Variants in SYN1 observed in about 807,000 individuals in gnomAD.
The protein encoded by SYN1 is synapsin I.
A neutral mutation model predicts 44.6 loss-of-function variants in SYN1; 8 were observed. That is an observed-to-expected ratio of 0.18 (90% CI 0.11 to 0.32). The LOEUF (loss-of-function observed/expected upper bound fraction) is 0.32. Ranked by LOEUF, SYN1 falls within the 10% of genes least tolerant of loss-of-function variation. The pLI, the probability that SYN1 is intolerant of heterozygous loss-of-function variation, is 1.00. For synonymous variants in SYN1, 275 were observed against 280.1 expected, an observed-to-expected ratio of 0.98 and a Z score of 0.18; for missense variants, 451 against 639.4, an observed-to-expected ratio of 0.71 and a Z score of 3.18.
chrX:47,584,310 G>GATTGAGGATGATCAGGT (rs2057813345), intron 5 of SYN1, among the ~76,000 whole-genome samples: 3 of 111,024 alleles, frequency 2.7e-5, no homozygotes, highest in Non-Finnish European at 5.7e-5. Context: ...GATGATCAGA[G>GATTGAGGATGATCAGGT]ATTGAGGATG....
intron 1 of SYN1, 97 bp downstream of exon 1, chrX:47,619,255 G>A: frequency 8.9e-7 from 1 of 1,128,558 alleles, no homozygotes; most frequent in Admixed American, 2.4e-5. Flanking sequence ...GAGAGGGCCA[G>A]GTGTCAGGCA....
At position 47,619,602 on chromosome X, in the gene SYN1, TGGCTCCGGGGCTGTG is replaced by T. The variant is rs2057941937; in HGVS notation, c.112_126del (p.His38_Ala42del). 8.6e-7 allele frequency: 1 copy of T among 1,159,191 alleles called. No homozygotes were observed. The highest frequency in any genetic ancestry group is 1.2e-6 in the Non-Finnish European group (1 of 868,608). ...GCAGTGGCGGTCCCGGGACCGGGCG[TGGCTCCGGGGCTGTG>T]GGCACCGGGCGGCGGTGGGGGCGGC... is the stretch of plus-strand genomic sequence containing the variant. On this transcript the variant is annotated inframe_deletion, in exon 1 of 13. Coordinates refer to ENST00000295987, the MANE Select transcript of SYN1 (RefSeq NM_006950.3).
intron 5 of SYN1, chrX:47,586,071 T>G: frequency 1.0e-6 from 1 of 956,298 alleles, no homozygotes; most frequent in East Asian, 6.3e-5. Context: ...GCTCTGACTA[T>G]TCCAGACACC....
chrX:47,599,035 A>T (rs60617839), intron 5 of SYN1, among the ~76,000 whole-genome samples: 1 of 109,480 alleles, frequency 9.1e-6, no homozygotes, highest in Non-Finnish European at 1.9e-5. Context: ...AAAAATAAAA[A>T]TTTTTTAAAT....
intron 5 of SYN1, among the ~76,000 whole-genome samples, chrX:47,602,640 CAA>C (rs778178512): frequency 3.4e-5 from 3 of 88,845 alleles, no homozygotes; most frequent in African/African-American, 4.1e-5. Flanking sequence ...GACTCCTCCT[CAA>C]AAAAAAAAAA....
At chrX:47,600,697 C>A (rs2057877279) in intron 5 of SYN1, among the ~76,000 whole-genome samples, 1 of 111,261 alleles carries the variant, frequency 9.0e-6, no homozygotes, top group Non-Finnish European at 1.9e-5. Flanking sequence ...GTTCTCTGAC[C>A]ACAATGGAAT....
At chrX:47,576,024 C>T in intron 9 of SYN1, 107 bp downstream of exon 9, 1 of 821,727 alleles carries the variant, frequency 1.2e-6, no homozygotes, top group East Asian at 3.4e-5. Flanking sequence ...GTACTAAGCA[C>T]ATTGCTGTTG....
In SYN1 at chrX:47,619,815, GCT is replaced by G. The variant is rs769282094; in HGVS notation, c.-89_-88del. 1.1e-5 allele frequency: 11 copies of G among 993,478 alleles called. No homozygotes were observed. Among genetic ancestry groups the G allele is most frequent in the Non-Finnish European group, 1.5e-5 (11 of 737,563 alleles). 81.9% of individuals were successfully genotyped at this position (993,478 alleles called of 1,213,427 possible). On this transcript the variant is annotated 5_prime_UTR_variant, in exon 1 of 13. Coordinates refer to ENST00000295987, the MANE Select transcript of SYN1 (RefSeq NM_006950.3). ...GCGCGGTGCCCAGGAGCACAGCTGCGCTCTCAGGCACGACACGACTCCTCCGC... is the reference window on the plus strand; with the variant it reads ...GCGCGGTGCCCAGGAGCACAGCTGCGCTCAGGCACGACACGACTCCTCCGC...
At chrX:47,614,644 C>G (rs932127530) in intron 1 of SYN1, among the ~76,000 whole-genome samples, 1 of 111,725 alleles carries the variant, frequency 9.0e-6, no homozygotes, top group Non-Finnish European at 1.9e-5. Flanking sequence ...TATGCTCCCC[C>G]CAGATCCTTA....
At position 47,572,752 on chromosome X, in the gene SYN1, T is replaced by TG. The variant is rs886711109; in HGVS notation, c.*111dup. On this transcript the variant is annotated 3_prime_UTR_variant, in exon 13 of 13. Coordinates refer to ENST00000295987, the MANE Select transcript of SYN1 (RefSeq NM_006950.3). ...TCTTGAGGAATGAGAGGTGGAATCT[T>TG]GGAGAACCGGGAGATGGGTTCTCAA... The TG allele has an allele frequency of 1.8e-6, 2 of 1,100,987 alleles. No individual in the cohort carries two copies. Among genetic ancestry groups the TG allele is most frequent in the Non-Finnish European group, 2.5e-6 (2 of 803,081 alleles). 90.7% of individuals were successfully genotyped at this position (1,100,987 alleles called of 1,213,427 possible). A position where few individuals can be genotyped will look rare whatever the true frequency, so the allele number is the denominator to read the frequency against.
At chrX:47,603,612 A>G (rs1272016102) in intron 5 of SYN1, among the ~76,000 whole-genome samples, 1 of 111,286 alleles carries the variant, frequency 9.0e-6, no homozygotes, top group Non-Finnish European at 1.9e-5. Flanking sequence ...AACGTTCAGC[A>G]TATTTTATTC....
At chrX:47,610,254 T>C (rs955473737) in intron 1 of SYN1, among the ~76,000 whole-genome samples, 3 of 111,066 alleles carry the variant, frequency 2.7e-5, no homozygotes, top group Non-Finnish European at 3.8e-5. Flanking sequence ...CTCATGTCCC[T>C]AATAGGACAG....
intron 10 of SYN1, 94 bp downstream of exon 10, chrX:47,575,034 G>C: frequency 2.8e-6 from 3 of 1,088,005 alleles, no homozygotes; most frequent in Non-Finnish European, 3.7e-6. Flanking sequence ...GTGATGCTGT[G>C]AGCCTACAGA....
intron 5 of SYN1, among the ~76,000 whole-genome samples, chrX:47,600,039 C>T (rs1218170023): frequency 8.9e-6 from 1 of 111,798 alleles, no homozygotes; most frequent in East Asian, 2.8e-4. Context: ...GAAGATTTAA[C>T]AATAATAAGT....
intron 1 of SYN1, among the ~76,000 whole-genome samples, chrX:47,610,098 C>A (rs2057912527): frequency 8.9e-6 from 1 of 111,809 alleles, no homozygotes; most frequent in South Asian, 3.7e-4. Flanking sequence ...GCCAGAGGAT[C>A]TCCCTGACTG....
At position 47,585,439 on chromosome X, in the gene SYN1, G is replaced by A. The variant is rs41454847; in HGVS notation, c.775-7938C>T. 4.7e-4 allele frequency: 566 copies of A among 1,191,888 alleles called. 2 individuals are homozygous for A. In the African/African-American group the frequency reaches 8.1e-3, roughly 17 times the overall value. ...ATGGGAATGGTCCCACTGGAAATGG[G>A]GACCACCCCAATTTCAGTCTATCAG... On this transcript the variant is annotated intron_variant, in intron 5 of 12. Coordinates refer to ENST00000295987, the MANE Select transcript of SYN1 (RefSeq NM_006950.3).
chrX:47,576,786 C>A, intron 6 of SYN1, 146 bp from the exon 7 acceptor site: 2 of 735,121 alleles, frequency 2.7e-6, no homozygotes, highest in East Asian at 6.9e-5. Flanking sequence ...CTCAAGCAGG[C>A]ACGATCATGG....
chrX:47,605,014 T>C lies in SYN1; in HGVS notation c.738A>G (p.Leu246=), dbSNP rs184905398. ...HKKLGTEEFP[L]IDQTFYPNHK... is the part of the protein sequence containing the mutation. ...GATTGGGGTAGAAGGTCTGATCAATTAGAGGGAATTCTTCTGTCCCCAGTT... is the reference window on the plus strand; with the variant it reads ...GATTGGGGTAGAAGGTCTGATCAATCAGAGGGAATTCTTCTGTCCCCAGTT... Residue 246 remains leucine, a synonymous_variant, in exon 5 of 13, where the codon CTA becomes CTG. Coordinates refer to ENST00000295987, the MANE Select transcript of SYN1 (RefSeq NM_006950.3). The C allele has an allele frequency of 1.3e-5, 16 of 1,210,018 alleles. No individual in the cohort carries two copies. The East Asian group carries it at 3.8e-4, about 29-fold the overall frequency.
At chrX:47,591,474 A>G (rs918257578) in intron 5 of SYN1, among the ~76,000 whole-genome samples, 5 of 110,946 alleles carry the variant, frequency 4.5e-5, no homozygotes, top group Non-Finnish European at 9.4e-5. Flanking sequence ...TAATCCCAGC[A>G]CTTTGGGAGG....
Sources: allele counts gnomAD v4.1 joint callset (sites outside exome capture counted in the v4.1 genomes callset), GRCh38; gene constraint gnomAD v4.1.1; transcripts MANE v1.5; gene names NCBI Gene and HGNC (gene_info 2026-07-23, HGNC 2026-07-21).